SLCO3A1: variants seen among roughly 807,000 people sequenced by gnomAD.
The protein encoded by SLCO3A1 is solute carrier organic anion transporter family member 3A1, also known as PGE1 transporter.
SLCO3A1 carries 27 observed loss-of-function variants against 63.1 expected under a neutral mutation model. The ratio of observed to expected loss-of-function variants is 0.43; its 90% CI spans 0.32 to 0.59. SLCO3A1 has a LOEUF of 0.59. SLCO3A1 is among the 20% of genes least tolerant of loss of function. The pLI is 0.09. For missense variants in SLCO3A1, 773 were observed against 945.8 expected, an observed-to-expected ratio of 0.82 and a Z score of 2.40; for synonymous variants, 473 against 409.9, an observed-to-expected ratio of 1.15 and a Z score of -1.86.
intron 2 of SLCO3A1, among the ~76,000 whole-genome samples, chr15:92,018,694 G>T (rs1399066048): frequency 6.6e-6 from 1 of 152,206 alleles, no homozygotes; most frequent in Non-Finnish European, 1.5e-5. Context: ...GGAGTGGGGA[G>T]CCTGTCTCAC....
rs1180956482 is a variant in SLCO3A1 at position 91,862,682 on chromosome 15, G to T, written c.180+8594G>T. On this transcript the variant is annotated intron_variant, in intron 1 of 9. Transcript: ENST00000318445. This position sits in a 1 kb window ranked among gnomAD's most constrained non-coding sequence, Gnocchi z 4.0. ...GAAGAAATGAGCAGGGGCTGATGAG[G>T]CTTTTAACAAATAGTTCCGGAGAAA... is the stretch of plus-strand genomic sequence containing the variant. 1.3e-5 allele frequency among the ~76,000 whole-genome samples: 2 copies of T among 152,176 alleles called. No homozygotes were observed. Among genetic ancestry groups the T allele is most frequent in the Non-Finnish European group, 2.9e-5 (2 of 68,030 alleles).
Position 91,883,949 on chromosome 15 carries a change from C to A in SLCO3A1, c.180+29861C>A, listed in dbSNP as rs1046402274. 6.6e-6 allele frequency among the ~76,000 whole-genome samples: 1 copy of A among 152,190 alleles called. No homozygotes were observed. The highest frequency in any genetic ancestry group is 6.5e-5 in the Admixed American group (1 of 15,282). ...GCAACTGAAGGGATCCAGTTTCAGA[C>A]CAAGGTCTGGCCTGACTGGAAAGCT... On this transcript the variant is annotated intron_variant, in intron 1 of 9. Coordinates refer to ENST00000318445, the MANE Select transcript of SLCO3A1 (RefSeq NM_013272.4). This position sits in a 1 kb window ranked among gnomAD's most constrained non-coding sequence, Gnocchi z 4.8.
At chr15:92,000,889 A>T (rs1033924933) in intron 2 of SLCO3A1, among the ~76,000 whole-genome samples, 12 of 152,194 alleles carry the variant, frequency 7.9e-5, no homozygotes, top group East Asian at 5.8e-4. Flanking sequence ...GCAACTTGGG[A>T]TGCTCTGTCT....
intron 1 of SLCO3A1, among the ~76,000 whole-genome samples, chr15:91,902,489 G>C (rs1898185075): frequency 6.6e-6 from 1 of 151,682 alleles, no homozygotes; most frequent in East Asian, 1.9e-4. Flanking sequence ...GCAGCCTCAG[G>C]GTAGCTGAGG....
intron 4 of SLCO3A1, among the ~76,000 whole-genome samples, chr15:92,116,543 A>G (rs931556868): frequency 6.6e-6 from 1 of 152,212 alleles, no homozygotes; most frequent in Non-Finnish European, 1.5e-5. Flanking sequence ...TACATGGCTA[A>G]GAGAGTCTGC....
Position 91,859,697 on chromosome 15 carries a change from G to A in SLCO3A1, c.180+5609G>A, listed in dbSNP as rs1897003633. On this transcript the variant is annotated intron_variant, in intron 1 of 9. Transcript: ENST00000318445. This position sits in a 1 kb window ranked among gnomAD's most constrained non-coding sequence, Gnocchi z 5.1. ...GGGGTTATAATAGTACCTACCCTCT[G>A]TTTTGCTGTGAGGATGAACTGAGTC... Among the ~76,000 whole-genome samples, 1 of 152,104 alleles carries A rather than the reference G, an allele frequency of 6.6e-6. No homozygotes were observed. Among genetic ancestry groups the A allele is most frequent in the South Asian group, 2.1e-4 (1 of 4,828 alleles).
At chr15:91,874,059 A>G (rs1000354769) in intron 1 of SLCO3A1, among the ~76,000 whole-genome samples, 2 of 152,230 alleles carry the variant, frequency 1.3e-5, no homozygotes, top group East Asian at 3.9e-4. Context: ...GGAACCTTGG[A>G]TAGTACTAAA....
intron 2 of SLCO3A1, among the ~76,000 whole-genome samples, chr15:92,015,822 G>A (rs981554458): frequency 3.9e-5 from 6 of 152,142 alleles, no homozygotes; most frequent in African/African-American, 1.2e-4. Context: ...AGGAAGGCCC[G>A]AGCTTATAGG....
rs1033451379 is a variant in SLCO3A1, at chr15:92,164,968, T to TTGA, written c.*1835_*1837dup. 12 of 894,836 alleles carry TTGA rather than the reference T, an allele frequency of 1.3e-5. No individual in the cohort carries two copies. The African/African-American group carries it at 3.2e-4, about 24-fold the overall frequency. 55.4% of individuals were successfully genotyped at this position (894,836 alleles called of 1,614,324 possible). On this transcript the variant is annotated 3_prime_UTR_variant, in exon 10 of 10. Transcript: ENST00000318445. Reference sequence around the variant, plus strand: ...TGGCGCTGGAAAAAAAACTCAAAGGTTGATTGGTTTGCTTTTTCACCTTGG... The same window carrying TTGA: ...TGGCGCTGGAAAAAAAACTCAAAGGTTGATGATTGGTTTGCTTTTTCACCTTGG...
rs566999817 is a variant in SLCO3A1 at position 91,854,483 on chromosome 15, A to G, written c.180+395A>G. The G allele has an allele frequency of 3.7e-6, 2 of 540,592 alleles. No homozygotes were observed. The highest frequency in any genetic ancestry group is 4.8e-6 in the Non-Finnish European group (2 of 419,296). 33.5% of individuals were successfully genotyped at this position (540,592 alleles called of 1,614,324 possible). ...TTCAGGTGACCTGCACATGGGAAGA[A>G]AAACCAGTTAGCATCCTGCGTCCTC... On this transcript the variant is annotated intron_variant, in intron 1 of 9. Coordinates refer to ENST00000318445, the MANE Select transcript of SLCO3A1 (RefSeq NM_013272.4). This position sits in a 1 kb window ranked among gnomAD's most constrained non-coding sequence, Gnocchi z 6.4.
intron 2 of SLCO3A1, among the ~76,000 whole-genome samples, chr15:92,009,462 G>A (rs945108390): frequency 2.2e-4 from 34 of 152,174 alleles, no homozygotes; most frequent in African/African-American, 7.2e-4. Flanking sequence ...AAGCCAACTC[G>A]AGAATGTCTC....
intron 2 of SLCO3A1, among the ~76,000 whole-genome samples, chr15:91,934,208 C>G (rs952526015): frequency 1.3e-5 from 2 of 152,154 alleles, no homozygotes; most frequent in African/African-American, 2.4e-5. Flanking sequence ...TCTGTACCCC[C>G]AGTGAGTGTT....
chr15:91,911,453 A>G (rs1013757926), intron 1 of SLCO3A1, among the ~76,000 whole-genome samples: 1 of 152,078 alleles, frequency 6.6e-6, no homozygotes, highest in Non-Finnish European at 1.5e-5. Flanking sequence ...GGGGTTCAGC[A>G]GTCTCACACT....
intron 9 of SLCO3A1, among the ~76,000 whole-genome samples, chr15:92,152,353 T>G (rs2048317256): frequency 6.6e-6 from 1 of 152,234 alleles, no homozygotes; most frequent in South Asian, 2.1e-4. Context: ...ATTCCCTCTG[T>G]GCCTGGTAGA....
chr15:92,165,551 T>C lies in SLCO3A1; in HGVS notation c.*2416T>C, dbSNP rs2048487174. The C allele has an allele frequency of 2.0e-6, 2 of 984,604 alleles. No individual in the cohort carries two copies. Among genetic ancestry groups the C allele is most frequent in the Non-Finnish European group, 2.4e-6 (2 of 829,304 alleles). The allele number at this position is 984,604 out of a possible 1,614,324, so 61.0% of individuals were successfully genotyped here. On this transcript the variant is annotated 3_prime_UTR_variant, in exon 10 of 10. Transcript: ENST00000318445. ...AAACTCTTTGCATTTTGGATTTTTT[T>C]TCCTAAGATTTTAGGATGAATGTGA...
intron 2 of SLCO3A1, among the ~76,000 whole-genome samples, chr15:91,927,476 A>G (rs1899070473): frequency 6.6e-6 from 1 of 152,164 alleles, no homozygotes; most frequent in Admixed American, 6.5e-5. Context: ...TGGGGACATG[A>G]ATGAACTGGC....
intron 2 of SLCO3A1, among the ~76,000 whole-genome samples, chr15:92,056,914 T>G (rs147212667): frequency 7.9e-5 from 12 of 152,334 alleles, no homozygotes; most frequent in East Asian, 5.8e-4. Flanking sequence ...GGCTTTTAGG[T>G]TTCTTTACTG....
chr15:91,931,800 C>CACAT (rs1899242565), intron 2 of SLCO3A1, among the ~76,000 whole-genome samples: 1 of 135,414 alleles, frequency 7.4e-6, no homozygotes, highest in Non-Finnish European at 1.7e-5. Context: ...CACACACACA[C>CACAT]GCACACACAC....
intron 2 of SLCO3A1, among the ~76,000 whole-genome samples, chr15:91,970,114 C>T (rs530770090): frequency 3.3e-4 from 50 of 152,316 alleles, no homozygotes; most frequent in Admixed American, 1.2e-3. Flanking sequence ...AAACTTACAG[C>T]CTTAAAACTA....
Sources: gnomAD v4.1 joint callset for allele counts (sites outside exome capture counted in the v4.1 genomes callset) on GRCh38, gnomAD v4.1.1 for gene constraint, Gnocchi (gnomAD v3.1) non-coding constraint, MANE v1.5 for transcripts, NCBI Gene and HGNC (gene_info 2026-07-23, HGNC 2026-07-21) for gene names.